Variants in ZNF608 observed in about 807,000 individuals in gnomAD.
ZNF608 encodes renal carcinoma antigen NY-REN-36.
ZNF608 carries 12 observed loss-of-function variants against 109.0 expected under a neutral mutation model. The observed-to-expected ratio is 0.11, with a 90% CI of 0.07 to 0.18. The LOEUF (loss-of-function observed/expected upper bound fraction) is 0.18. ZNF608 is among the 10% of genes least tolerant of loss of function. ZNF608 has a pLI of 1.00. For missense variants in ZNF608, 1,707 were observed against 1,879.3 expected (o/e 0.91, Z 1.70); for synonymous variants, 732 against 717.4 (o/e 1.02, Z -0.33).
chr5:124,640,277 A>G (rs1256238330), intron 8 of ZNF608, among the ~76,000 whole-genome samples: 1 of 152,334 alleles, frequency 6.6e-6, no homozygotes, highest in South Asian at 2.1e-4. Flanking sequence ...CTAATCCACA[A>G]TGTGATTAGA....
intron 8 of ZNF608, among the ~76,000 whole-genome samples, chr5:124,640,931 T>C (rs1464496836): frequency 6.6e-6 from 1 of 152,184 alleles, no homozygotes; most frequent in Non-Finnish European, 1.5e-5. Context: ...TTCTACAATT[T>C]TCCTGAAGTA....
In ZNF608 at chr5:124,677,696, C is replaced by A. The variant is rs568484885; in HGVS notation, c.1162+23318G>T. Among the ~76,000 whole-genome samples the A allele has an allele frequency of 2.0e-5, 3 of 152,240 alleles. No individual in the cohort carries two copies. In the South Asian group the frequency reaches 6.2e-4, roughly 32 times the overall value. On this transcript the variant is annotated intron_variant, in intron 3 of 9. Coordinates refer to ENST00000513986, the MANE Select transcript of ZNF608 (RefSeq NM_020747.3). ...TACAAGCAAATCGCTTCTTCTGCAA[C>A]TAATTCTCAATAGGGCTCCTAAAAA...
chr5:124,719,122 C>T (rs1219869450), intron 2 of ZNF608, among the ~76,000 whole-genome samples: 2 of 152,200 alleles, frequency 1.3e-5, no homozygotes, highest in African/African-American at 4.8e-5. Flanking sequence ...CAAGTGCTTA[C>T]ATTTTTTCTT....
At chr5:124,737,990 C>T (rs1183132252) in intron 2 of ZNF608, among the ~76,000 whole-genome samples, 1 of 152,202 alleles carries the variant, frequency 6.6e-6, no homozygotes, top group Non-Finnish European at 1.5e-5. Flanking sequence ...ATATATTCTG[C>T]AACAGAGTGG....
In ZNF608 at chr5:124,649,140, A is replaced by G. The variant is rs1476696318; in HGVS notation, c.1251-7T>C. 1 of 1,544,746 alleles carries G rather than the reference A, an allele frequency of 6.5e-7. No individual in the cohort carries two copies. The highest frequency in any genetic ancestry group is 1.3e-5 in the South Asian group (1 of 79,966). On this transcript the variant is annotated splice_polypyrimidine_tract_variant and splice_region_variant and intron_variant, in intron 4 of 9. Transcript: ENST00000513986. ...TGTCGGTGACTCACAAAACCTATGGAAGCAAGTAACAGATGTGAAAATGAG... is the reference window on the plus strand; with the variant it reads ...TGTCGGTGACTCACAAAACCTATGGGAGCAAGTAACAGATGTGAAAATGAG...
chr5:124,701,167 C>T lies in ZNF608; in HGVS notation c.1009G>A (p.Ala337Thr), dbSNP rs1753036473. The T allele has an allele frequency of 1.2e-6, 2 of 1,614,042 alleles. No individual in the cohort carries two copies. The highest frequency in any genetic ancestry group is 1.7e-6 in the Non-Finnish European group (2 of 1,179,996). Residue 337 changes from alanine to threonine, a missense_variant, in exon 3 of 10, where the codon GCA (alanine) becomes ACA (threonine). This residue lies in a region of ZNF608 where 407 missense variants were observed against 398.7 expected (regional missense o/e 1.02). Transcript: ENST00000513986. ...SYFSPSSSNIAAPVEQLLVRT... is the reference protein window; with the variant it reads ...SYFSPSSSNITAPVEQLLVRT... ...ACCAAAAGCTGTTCAACCGGTGCTG[C>T]AATATTGGATGAAGATGGGGAAAAG...
intron 3 of ZNF608, among the ~76,000 whole-genome samples, chr5:124,668,995 G>C (rs1751598781): frequency 6.6e-6 from 1 of 152,082 alleles, no homozygotes; most frequent in African/African-American, 2.4e-5. Flanking sequence ...GGCACATAAA[G>C]TAATTGAAGA....
intron 3 of ZNF608, among the ~76,000 whole-genome samples, chr5:124,689,449 A>G (rs1752523765): frequency 6.7e-6 from 1 of 148,256 alleles, no homozygotes; most frequent in Non-Finnish European, 1.5e-5. Flanking sequence ...TTAAGACCAG[A>G]GTAAGACCCT....
chr5:124,745,165 AC>A lies in ZNF608; in HGVS notation c.-177del. ...GATTTTACACCCTCAGTCCAGGTCC[AC>A]CTTTTCCTGTGAAGGGGGGGGGAAA... is the stretch of plus-strand genomic sequence containing the variant. On this transcript the variant is annotated 5_prime_UTR_variant, in exon 2 of 10. Transcript: ENST00000513986. 1 of 1,397,914 alleles carries A rather than the reference AC, an allele frequency of 7.2e-7. No individual in the cohort carries two copies. Among genetic ancestry groups the A allele is most frequent in the East Asian group, 2.7e-5 (1 of 37,414 alleles). 86.6% of individuals were successfully genotyped at this position (1,397,914 alleles called of 1,614,324 possible).
intron 3 of ZNF608, among the ~76,000 whole-genome samples, chr5:124,654,903 C>T (rs1453820356): frequency 3.3e-5 from 5 of 152,158 alleles, no homozygotes; most frequent in African/African-American, 1.2e-4. Flanking sequence ...TTTGTCCTAC[C>T]GTAATACATG....
intron 2 of ZNF608, among the ~76,000 whole-genome samples, chr5:124,726,249 G>A (rs1754133562): frequency 6.6e-6 from 1 of 152,026 alleles, no homozygotes; most frequent in South Asian, 2.1e-4. Flanking sequence ...CTGGGCCCTA[G>A]TCTTTTCCAT....
intron 3 of ZNF608, among the ~76,000 whole-genome samples, chr5:124,684,155 G>C (rs1326780782): frequency 6.6e-6 from 1 of 152,164 alleles, no homozygotes; most frequent in Admixed American, 6.5e-5. Context: ...CTGACTATTT[G>C]CTAATAATTT....
chr5:124,713,799 T>A (rs181794487), intron 2 of ZNF608, among the ~76,000 whole-genome samples: 3 of 152,088 alleles, frequency 2.0e-5, no homozygotes, highest in African/African-American at 7.2e-5. Context: ...GTTAACAGTA[T>A]GTTGGAACAG....
chr5:124,652,609 C>T (rs1750840777), intron 3 of ZNF608, among the ~76,000 whole-genome samples: 1 of 152,212 alleles, frequency 6.6e-6, no homozygotes, highest in African/African-American at 2.4e-5. Context: ...GAATGTTTCT[C>T]ATATAAACTA....
chr5:124,713,967 G>T (rs1753597622), intron 2 of ZNF608, among the ~76,000 whole-genome samples: 1 of 152,082 alleles, frequency 6.6e-6, no homozygotes, highest in African/African-American at 2.4e-5. Context: ...AACCAAAAGA[G>T]ATATGAGGAG....
intron 2 of ZNF608, among the ~76,000 whole-genome samples, chr5:124,721,230 A>G (rs1753888285): frequency 6.6e-6 from 1 of 152,322 alleles, no homozygotes; most frequent in Non-Finnish European, 1.5e-5. Flanking sequence ...GATAATTCCC[A>G]TCAATGTTTT....
rs763299760 is a variant in ZNF608, at chr5:124,643,551, A to G, written c.4256T>C (p.Leu1419Pro). 11 of 1,614,090 alleles carry G rather than the reference A, an allele frequency of 6.8e-6. No individual in the cohort carries two copies. The South Asian group carries it at 8.8e-5, about 13-fold the overall frequency. ...TTTESKALDLLQQHANQYRSK... is the reference protein window; with the variant it reads ...TTTESKALDLPQQHANQYRSK... Reference sequence around the variant, plus strand: ...GCGGTATTGGTTAGCATGCTGCTGGAGCAAATCCAGTGCTTTAGATTCAGT... The same window carrying G: ...GCGGTATTGGTTAGCATGCTGCTGGGGCAAATCCAGTGCTTTAGATTCAGT... Residue 1419 changes from leucine to proline, a missense_variant, in exon 7 of 10, where the codon CTC becomes CCC. By Grantham distance (98) the Leu-to-Pro change is moderately conservative. Transcript: ENST00000513986.
intron 3 of ZNF608, among the ~76,000 whole-genome samples, chr5:124,676,552 A>T (rs1454828087): frequency 6.6e-6 from 1 of 152,176 alleles, no homozygotes; most frequent in Non-Finnish European, 1.5e-5. Context: ...ATATTTTGTG[A>T]CGTACCGTGT....
intron 3 of ZNF608, among the ~76,000 whole-genome samples, chr5:124,679,302 T>C (rs1752090286): frequency 6.6e-6 from 1 of 151,930 alleles, no homozygotes; most frequent in South Asian, 2.1e-4. Flanking sequence ...AGTGGGAAGA[T>C]TGTTTTCAGT....
Sources: gnomAD v4.1 joint callset for allele counts (sites outside exome capture counted in the v4.1 genomes callset) on GRCh38, gnomAD v4.1.1 for gene constraint, gnomAD v4.1.1 regional missense constraint, MANE v1.5 for transcripts, NCBI Gene and HGNC (gene_info 2026-07-23, HGNC 2026-07-21) for gene names.